Variants in RBFOX1 observed in about 807,000 individuals in gnomAD.
The protein encoded by RBFOX1 is RNA binding protein fox-1 homolog 1.
RBFOX1 carries 8 observed loss-of-function variants against 57.7 expected under a neutral mutation model. That is an observed-to-expected ratio of 0.14 (90% CI 0.08 to 0.25). The LOEUF is 0.25. Ranked by LOEUF, RBFOX1 falls within the 10% of genes least tolerant of loss-of-function variation. The pLI is 1.00. For missense variants in RBFOX1, 611 were observed against 548.5 expected (o/e 1.11, Z -1.14); for synonymous variants, 326 against 222.4 (o/e 1.47, Z -4.15).
In RBFOX1 at chr16:7,712,524, C is replaced by G. The variant is rs967419378; in HGVS notation, c.*1779C>G. On this transcript the variant is annotated 3_prime_UTR_variant, in exon 16 of 16. Transcript: ENST00000550418. Reference sequence around the variant, plus strand: ...AACAAAGTTTCTGTAGCTTCGATACCTAAGACAGACGATAGTGATCTTGAA... The same window carrying G: ...AACAAAGTTTCTGTAGCTTCGATACGTAAGACAGACGATAGTGATCTTGAA... 6.6e-6 allele frequency: 1 copy of G among 152,452 alleles called. No homozygotes were observed. The highest frequency in any genetic ancestry group is 1.5e-5 in the Non-Finnish European group (1 of 68,024). The allele number at this position is 152,452 out of a possible 1,614,324, so 9.4% of individuals were successfully genotyped here.
chr16:6,022,005 C>T (rs571355110), intron 1 of RBFOX1, among the ~76,000 whole-genome samples: 1 of 152,284 alleles, frequency 6.6e-6, no homozygotes, highest in South Asian at 2.1e-4. Flanking sequence ...TTGCCTTATA[C>T]ACACACGTTT....
At chr16:5,931,651 G>T (rs916307702) in intron 4 of RBFOX1, among the ~76,000 whole-genome samples, 3 of 152,166 alleles carry the variant, frequency 2.0e-5, no homozygotes, top group Admixed American at 6.5e-5. Context: ...AAACAGGTCA[G>T]GCTGAAGGAG....
chr16:7,359,093 T>C (rs1240508193), intron 4 of RBFOX1, among the ~76,000 whole-genome samples: 5 of 152,188 alleles, frequency 3.3e-5, no homozygotes, highest in African/African-American at 4.8e-5. Context: ...TCTAAGGAGG[T>C]ACAGAAAACT....
intron 4 of RBFOX1, among the ~76,000 whole-genome samples, chr16:7,324,526 A>C (rs1028223749): frequency 3.9e-5 from 6 of 152,210 alleles, no homozygotes; most frequent in Non-Finnish European, 8.8e-5. Flanking sequence ...ATTCATCCCC[A>C]GACAGGTCAG....
chr16:6,954,572 TATTA>T (rs1377387210), intron 3 of RBFOX1, among the ~76,000 whole-genome samples: 1 of 152,186 alleles, frequency 6.6e-6, no homozygotes, highest in Non-Finnish European at 1.5e-5. Flanking sequence ...CCCAATGCTA[TATTA>T]ATTATGATCC....
chr16:6,505,999 A>G (rs1253766373), intron 2 of RBFOX1, among the ~76,000 whole-genome samples: 1 of 152,310 alleles, frequency 6.6e-6, no homozygotes, highest in East Asian at 1.9e-4. Context: ...CAAACCTCTA[A>G]TTACTATCTG....
chr16:6,436,518 T>C (rs1330414413), intron 2 of RBFOX1, among the ~76,000 whole-genome samples: 4 of 151,436 alleles, frequency 2.6e-5, no homozygotes, highest in Admixed American at 6.6e-5. Flanking sequence ...TCACTTTTTT[T>C]TTTTTTTTTT....
chr16:5,350,083 A>G (rs914146244), intron 1 of RBFOX1, among the ~76,000 whole-genome samples: 3 of 152,238 alleles, frequency 2.0e-5, no homozygotes, highest in African/African-American at 7.2e-5. Flanking sequence ...CTGGGGTAGA[A>G]GTGGGATCTT....
At chr16:7,279,575 C>T (rs898921074) in intron 4 of RBFOX1, among the ~76,000 whole-genome samples, 5 of 152,158 alleles carry the variant, frequency 3.3e-5, no homozygotes, top group African/African-American at 1.2e-4. Flanking sequence ...ATATTATAGC[C>T]AGGGCCACGT....
intron 7 of RBFOX1, among the ~76,000 whole-genome samples, chr16:7,589,337 G>A (rs532133600): frequency 6.6e-6 from 1 of 152,066 alleles, no homozygotes; most frequent in South Asian, 2.1e-4. Flanking sequence ...GAGCTGTTTT[G>A]GGACATTAGA....
chr16:7,498,859 T>G (rs558218481), intron 4 of RBFOX1, among the ~76,000 whole-genome samples: 2 of 152,300 alleles, frequency 1.3e-5, no homozygotes, highest in East Asian at 3.9e-4. Context: ...TGAGATCGCA[T>G]GAAAATTGTC....
At chr16:6,034,346 A>G (rs1002699888) in intron 1 of RBFOX1, among the ~76,000 whole-genome samples, 3 of 142,158 alleles carry the variant, frequency 2.1e-5, no homozygotes, top group Non-Finnish European at 4.8e-5. Flanking sequence ...AAAAAAAAAA[A>G]AAAAAAAAAA....
At chr16:6,646,924 A>T (rs1045128806) in intron 2 of RBFOX1, among the ~76,000 whole-genome samples, 1 of 152,124 alleles carries the variant, frequency 6.6e-6, no homozygotes, top group Admixed American at 6.5e-5. Context: ...TGTACACATG[A>T]TCCCACGTCC....
intron 4 of RBFOX1, among the ~76,000 whole-genome samples, chr16:7,100,444 T>G (rs886278240): frequency 3.9e-5 from 6 of 152,158 alleles, no homozygotes; most frequent in Non-Finnish European, 8.8e-5. Flanking sequence ...ATTTGAATTT[T>G]CATAGATACC....
intron 4 of RBFOX1, among the ~76,000 whole-genome samples, chr16:5,945,233 C>T (rs1020046852): frequency 1.7e-4 from 26 of 152,118 alleles, no homozygotes; most frequent in Admixed American, 1.3e-3. Flanking sequence ...AGCTGCCTGG[C>T]CCTTCGTGGG....
intron 1 of RBFOX1, among the ~76,000 whole-genome samples, chr16:6,231,700 G>C (rs759952795): frequency 6.6e-6 from 1 of 152,212 alleles, no homozygotes; most frequent in Non-Finnish European, 1.5e-5. Context: ...AGGCATGTCT[G>C]CCCTGGACTT....
intron 2 of RBFOX1, among the ~76,000 whole-genome samples, chr16:6,404,510 A>G (rs536243915): frequency 2.0e-5 from 3 of 152,334 alleles, no homozygotes; most frequent in African/African-American, 7.2e-5. Flanking sequence ...GTTGTATACT[A>G]CAAATGGAGT....
At chr16:5,903,812 G>C (rs1210749506) in intron 4 of RBFOX1, among the ~76,000 whole-genome samples, 3 of 152,134 alleles carry the variant, frequency 2.0e-5, no homozygotes, top group Non-Finnish European at 2.9e-5. Flanking sequence ...GCATCCCCCT[G>C]AATTGACCAG....
chr16:6,938,409 A>C (rs1473895935), intron 3 of RBFOX1, among the ~76,000 whole-genome samples: 7 of 152,164 alleles, frequency 4.6e-5, no homozygotes, highest in Non-Finnish European at 1.0e-4. Flanking sequence ...AGGGTCGGAA[A>C]AATGTAACTG....
Sources: allele counts gnomAD v4.1 joint callset (sites outside exome capture counted in the v4.1 genomes callset), GRCh38; gene constraint gnomAD v4.1.1; transcripts MANE v1.5; gene names NCBI Gene and HGNC (gene_info 2026-07-23, HGNC 2026-07-21).